Variants in FGF12 observed in about 807,000 individuals in gnomAD.
The protein encoded by FGF12 is fibroblast growth factor 12B.
FGF12 carries 14 observed loss-of-function variants against 23.6 expected under a neutral mutation model. The observed-to-expected ratio is 0.59, with a 90% CI of 0.39 to 0.93. The LOEUF (loss-of-function observed/expected upper bound fraction) is 0.93, where lower values mean the gene tolerates loss of function less well. Ranked by LOEUF, FGF12 falls within the 40% of genes least tolerant of loss-of-function variation. The pLI is 0.00. For synonymous variants in FGF12, 62 were observed against 77.3 expected (o/e 0.80, Z 1.04); for missense variants, 175 against 217.8 (o/e 0.80, Z 1.24).
At chr3:192,316,164 G>A (rs1716218778) in intron 4 of FGF12, among the ~76,000 whole-genome samples, 1 of 152,064 alleles carries the variant, frequency 6.6e-6, no homozygotes, top group African/African-American at 2.4e-5. Context: ...TCCAAATCCA[G>A]TTTAAAAAAT....
chr3:192,516,604 C>T (rs758991391), intron 2 of FGF12: 1 of 152,192 alleles, frequency 6.6e-6, no homozygotes. Context: ...TCTGGAGGGC[C>T]GCTTGAGTTT....
At chr3:192,314,496 G>T (rs1716128857) in intron 4 of FGF12, among the ~76,000 whole-genome samples, 1 of 152,050 alleles carries the variant, frequency 6.6e-6, no homozygotes, top group African/African-American at 2.4e-5. Context: ...CATGTTATCT[G>T]GGGATTTAAG....
chr3:192,213,439 C>G (rs1214882916), intron 4 of FGF12, among the ~76,000 whole-genome samples: 1 of 152,106 alleles, frequency 6.6e-6, no homozygotes, highest in Admixed American at 6.5e-5. Flanking sequence ...TTGATAAATG[C>G]TCATATCATT....
intron 2 of FGF12, among the ~76,000 whole-genome samples, chr3:192,499,988 G>A (rs1724084558): frequency 6.6e-6 from 1 of 152,110 alleles, no homozygotes; most frequent in Admixed American, 6.5e-5. Context: ...ATAACAGCAA[G>A]GTGCATTAGA....
chr3:192,535,907 C>G (rs1415148251), intron 2 of FGF12, among the ~76,000 whole-genome samples: 1 of 152,094 alleles, frequency 6.6e-6, no homozygotes, highest in East Asian at 1.9e-4. Flanking sequence ...CACATAGATA[C>G]AAACCTGAAA....
chr3:192,392,511 G>A (rs553187013), intron 2 of FGF12, among the ~76,000 whole-genome samples: 6 of 151,782 alleles, frequency 4.0e-5, no homozygotes, highest in East Asian at 3.9e-4. Flanking sequence ...CAGGAGAATC[G>A]TTTGAACTCA....
intron 5 of FGF12, among the ~76,000 whole-genome samples, chr3:192,147,556 C>T (rs990662652): frequency 6.6e-6 from 1 of 152,100 alleles, no homozygotes; most frequent in African/African-American, 2.4e-5. Flanking sequence ...TATATAGCAG[C>T]CTCAATATCA....
At chr3:192,378,026 T>TC (rs1233005474) in intron 2 of FGF12, among the ~76,000 whole-genome samples, 2 of 69,442 alleles carry the variant, frequency 2.9e-5, no homozygotes, top group African/African-American at 7.4e-5. Context: ...TGACTCTTTC[T>TC]TTTCTTTCTT....
At chr3:192,474,869 G>A (rs1416951523) in intron 2 of FGF12, among the ~76,000 whole-genome samples, 2 of 139,092 alleles carry the variant, frequency 1.4e-5, no homozygotes, top group Non-Finnish European at 3.0e-5. Flanking sequence ...TGGGAAACAA[G>A]AGTGAAACTT....
chr3:192,328,599 C>T (rs1716947619), intron 4 of FGF12, among the ~76,000 whole-genome samples: 2 of 152,198 alleles, frequency 1.3e-5, no homozygotes, highest in South Asian at 2.1e-4. Context: ...AAACTGTAAC[C>T]GTGAGTATAA....
intron 2 of FGF12, among the ~76,000 whole-genome samples, chr3:192,577,219 T>A (rs1190919111): frequency 1.3e-5 from 2 of 152,062 alleles, no homozygotes; most frequent in Non-Finnish European, 2.9e-5. Flanking sequence ...AATAAATAAA[T>A]AAATAATACT....
At chr3:192,640,164 A>C (rs1188211733) in intron 2 of FGF12, among the ~76,000 whole-genome samples, 1 of 152,100 alleles carries the variant, frequency 6.6e-6, no homozygotes, top group Non-Finnish European at 1.5e-5. Flanking sequence ...CAGCTAATAA[A>C]TGTGTGCTGT....
intron 4 of FGF12, among the ~76,000 whole-genome samples, chr3:192,185,497 T>G (rs1716405497): frequency 6.6e-6 from 1 of 152,174 alleles, no homozygotes; most frequent in African/African-American, 2.4e-5. Flanking sequence ...CTAACAAAAT[T>G]CAGAACTTAA....
At chr3:192,289,763 T>G (rs1313802243) in intron 4 of FGF12, among the ~76,000 whole-genome samples, 1 of 152,208 alleles carries the variant, frequency 6.6e-6, no homozygotes, top group East Asian at 1.9e-4. Flanking sequence ...AAGCACTTGG[T>G]ACATATTAGA....
intron 3 of FGF12, among the ~76,000 whole-genome samples, chr3:192,354,879 T>C (rs1207418439): frequency 1.3e-5 from 2 of 152,130 alleles, no homozygotes; most frequent in Non-Finnish European, 1.5e-5. Context: ...CTAATTTTTC[T>C]TGTATTTTTA....
intron 2 of FGF12, among the ~76,000 whole-genome samples, chr3:192,377,290 T>C (rs1304673613): frequency 1.3e-5 from 2 of 152,218 alleles, no homozygotes; most frequent in Non-Finnish European, 2.9e-5. Flanking sequence ...AGCCTGATGC[T>C]CACCTGTTGA....
chr3:192,310,911 A>C (rs902063917), intron 4 of FGF12, among the ~76,000 whole-genome samples: 1 of 152,148 alleles, frequency 6.6e-6, no homozygotes, highest in Admixed American at 6.5e-5. Context: ...TGTTTCCACT[A>C]CTTCTTCCAC....
intron 2 of FGF12, among the ~76,000 whole-genome samples, chr3:192,525,792 T>C (rs1225054236): frequency 3.9e-5 from 6 of 152,240 alleles, no homozygotes; most frequent in African/African-American, 1.4e-4. Context: ...TCTATTTTTT[T>C]TGAGTCGGAG....
rs958397372 is a variant in FGF12 at position 192,139,717 on chromosome 3, T to C, written c.*4292A>G. 6.6e-6 allele frequency: 1 copy of C among 151,786 alleles called. No individual in the cohort carries two copies. Among genetic ancestry groups the C allele is most frequent in the Non-Finnish European group, 1.5e-5 (1 of 67,870 alleles). 9.4% of individuals were successfully genotyped at this position (151,786 alleles called of 1,614,324 possible). A position where few individuals can be genotyped will look rare whatever the true frequency, so the allele number is the denominator to read the frequency against. On this transcript the variant is annotated 3_prime_UTR_variant, in exon 6 of 6. Transcript: ENST00000445105. ...TTATCATAATGTTAAATATTCTTAT[T>C]TTTTTTTGCTTCCGTCTGTTACTAA... is the stretch of plus-strand genomic sequence containing the variant.
Sources: allele counts gnomAD v4.1 joint callset (sites outside exome capture counted in the v4.1 genomes callset), GRCh38; gene constraint gnomAD v4.1.1; transcripts MANE v1.5; gene names NCBI Gene and HGNC (gene_info 2026-07-23, HGNC 2026-07-21).